The following ATP11B variants were observed in gnomAD, a reference collection of about 807,000 sequenced individuals.
ATP11B encodes the protein ATPase phospholipid transporting 11B (putative).
Under a neutral mutation model 157.8 loss-of-function variants are expected in ATP11B, and 81 were observed. That is an observed-to-expected ratio of 0.51 (90% CI 0.43 to 0.62). The LOEUF (loss-of-function observed/expected upper bound fraction) is 0.62. Among genes scored for constraint, ATP11B ranks in the 20% least tolerant of loss-of-function variants. The pLI is 0.00. For missense variants in ATP11B, 1,165 were observed against 1,402.2 expected (o/e 0.83, Z 2.70); for synonymous variants, 451 against 469.4 (o/e 0.96, Z 0.51).
intron 15 of ATP11B, 57 bp downstream of exon 15, chr3:182,867,501 T>A (rs1721333499): frequency 8.4e-7 from 1 of 1,193,408 alleles, no homozygotes; most frequent in African/African-American, 1.5e-5. Context: ...TAGTATAGAA[T>A]AAGGATCAGT....
At chr3:182,794,328 GC>G (rs1201782575) in intron 1 of ATP11B, among the ~76,000 whole-genome samples, 1 of 152,148 alleles carries the variant, frequency 6.6e-6, no homozygotes, top group Non-Finnish European at 1.5e-5. Context: ...TAGGTGTCTA[GC>G]CCCCTCAGCG....
At chr3:182,893,416 C>T (rs1723307824) in intron 25 of ATP11B, among the ~76,000 whole-genome samples, 3 of 152,122 alleles carry the variant, frequency 2.0e-5, no homozygotes, top group Non-Finnish European at 2.9e-5. Flanking sequence ...GCTTAGCTTC[C>T]ACTTATGAGT....
chr3:182,909,493 G>A (rs530233370), intron 28 of ATP11B, among the ~76,000 whole-genome samples: 2 of 152,054 alleles, frequency 1.3e-5, no homozygotes, highest in East Asian at 1.9e-4. Context: ...TTTAAAAGTG[G>A]TCTCCCAAAA....
At chr3:182,914,434 G>A (rs1725011538) in intron 29 of ATP11B, 1 of 985,416 alleles carries the variant, frequency 1.0e-6, no homozygotes, top group Non-Finnish European at 1.2e-6. Flanking sequence ...TACTCTGTAT[G>A]TATATTTTCC....
intron 19 of ATP11B, among the ~76,000 whole-genome samples, chr3:182,877,737 A>G (rs547322596): frequency 1.1e-4 from 16 of 152,294 alleles, no homozygotes; most frequent in African/African-American, 3.6e-4. Flanking sequence ...AAGTATGGCC[A>G]GGGAGTGGTA....
intron 1 of ATP11B, among the ~76,000 whole-genome samples, chr3:182,819,311 T>TG (rs1172505853): frequency 6.6e-6 from 1 of 152,096 alleles, no homozygotes; most frequent in Non-Finnish European, 1.5e-5. Context: ...GAGCTCGTGA[T>TG]CCGCCCGCCT....
intron 23 of ATP11B, 34 bp downstream of exon 23, chr3:182,886,044 TC>T: frequency 7.2e-7 from 1 of 1,397,622 alleles, no homozygotes; most frequent in Non-Finnish European, 9.5e-7. Context: ...TTGTGTTTTG[TC>T]CTTTTAGAGT....
At chr3:182,821,402 C>T (rs80280629) in intron 2 of ATP11B, among the ~76,000 whole-genome samples, 3,097 of 152,182 alleles carry the variant, frequency 0.02, 102 homozygotes, top group African/African-American at 0.072. Context: ...CCACTGCACC[C>T]GGCCATAGAT....
At chr3:182,814,882 A>G (rs902322247) in intron 1 of ATP11B, among the ~76,000 whole-genome samples, 2 of 152,298 alleles carry the variant, frequency 1.3e-5, no homozygotes, top group South Asian at 2.1e-4. Context: ...TGAAATCTAT[A>G]CTGGAACCGT....
intron 24 of ATP11B, among the ~76,000 whole-genome samples, chr3:182,888,412 T>A (rs1403006717): frequency 6.6e-6 from 1 of 152,164 alleles, no homozygotes; most frequent in Non-Finnish European, 1.5e-5. Flanking sequence ...TCAGATAACC[T>A]CACTAAAAAG....
At chr3:182,893,595 A>G (rs1050109988) in intron 25 of ATP11B, among the ~76,000 whole-genome samples, 1 of 152,120 alleles carries the variant, frequency 6.6e-6, no homozygotes, top group Admixed American at 6.5e-5. Flanking sequence ...TCATTAATCG[A>G]TGGCCATTTG....
intron 10 of ATP11B, among the ~76,000 whole-genome samples, chr3:182,850,927 A>T (rs1324559130): frequency 1.3e-5 from 2 of 152,222 alleles, no homozygotes; most frequent in East Asian, 1.9e-4. Flanking sequence ...ATTTGGCCAT[A>T]AGAAGAATGA....
At chr3:182,832,729 G>A (rs905672389) in intron 4 of ATP11B, among the ~76,000 whole-genome samples, 6 of 152,104 alleles carry the variant, frequency 3.9e-5, no homozygotes, top group African/African-American at 1.4e-4. Context: ...CTCTCCAATT[G>A]TGTAATGCAA....
At chr3:182,869,990 A>G (rs1410407986) in intron 17 of ATP11B, among the ~76,000 whole-genome samples, 3 of 152,140 alleles carry the variant, frequency 2.0e-5, no homozygotes, top group Admixed American at 2.0e-4. Flanking sequence ...TGCTGAGTGA[A>G]AGAGGCAGTC....
At chr3:182,850,489 CA>C (rs1026069899) in intron 10 of ATP11B, among the ~76,000 whole-genome samples, 3 of 149,674 alleles carry the variant, frequency 2.0e-5, no homozygotes, top group Admixed American at 6.6e-5. Flanking sequence ...CAAAACAAAA[CA>C]AAAAAAAAGT....
rs759308260 is a variant in ATP11B at position 182,857,975 on chromosome 3, T to G, written c.949T>G (p.Trp317Gly). The stretch of plus-strand genomic sequence containing the variant: ...GTATACATGGCAAGCTGAAGAAAAA[T>G]GGGATGAACCTTGGTATAACCAAAA... ...LKYTWQAEEK[W>G]DEPWYNQKTE... The change falls in exon 11 of 30, where the codon TGG (tryptophan) becomes GGG (glycine). Residue 317 changes from tryptophan (W) to glycine (G), a missense_variant. Physicochemically the swap from Trp to Gly is radical, Grantham distance 184. This residue lies in a region of ATP11B where 737 missense variants were observed against 930.5 expected (regional missense o/e 0.79). Transcript: ENST00000323116. 1 of 1,612,786 alleles carries G rather than the reference T, an allele frequency of 6.2e-7. No homozygotes were observed. Among genetic ancestry groups the G allele is most frequent in the Admixed American group, 1.7e-5 (1 of 59,996 alleles).
chr3:182,883,030 A>G (rs1048036325), intron 21 of ATP11B, among the ~76,000 whole-genome samples: 2 of 152,212 alleles, frequency 1.3e-5, no homozygotes, highest in East Asian at 3.8e-4. Context: ...TGGTAAATGT[A>G]TAGATTAACA....
Position 182,848,462 on chromosome 3 carries a change from G to C in ATP11B, c.770-14G>C. The C allele has an allele frequency of 6.9e-7, 1 of 1,442,804 alleles. No individual in the cohort carries two copies. The highest frequency in any genetic ancestry group is 9.3e-7 in the Non-Finnish European group (1 of 1,077,092). 89.4% of individuals were successfully genotyped at this position (1,442,804 alleles called of 1,614,324 possible). A position where few individuals can be genotyped will look rare whatever the true frequency, so the allele number is the denominator to read the frequency against. ...GAGGATTATTTTAAGAGACAATTTTGTTTTATTTTACAGGTGTTGCGGTAT... is the reference window on the plus strand; with the variant it reads ...GAGGATTATTTTAAGAGACAATTTTCTTTTATTTTACAGGTGTTGCGGTAT... On this transcript the variant is annotated splice_polypyrimidine_tract_variant and intron_variant, in intron 9 of 29. Coordinates refer to ENST00000323116, the MANE Select transcript of ATP11B (RefSeq NM_014616.3).
chr3:182,883,934 G>A (rs1475540640), intron 21 of ATP11B, among the ~76,000 whole-genome samples: 1 of 124,342 alleles, frequency 8.0e-6, no homozygotes, highest in Admixed American at 9.5e-5. Context: ...CAGCCTGGGC[G>A]ACAGAGCGAG....
Sources: allele counts gnomAD v4.1 joint callset (sites outside exome capture counted in the v4.1 genomes callset), GRCh38; gene constraint gnomAD v4.1.1; regional missense constraint gnomAD v4.1.1; transcripts MANE v1.5; gene names NCBI Gene and HGNC (gene_info 2026-07-23, HGNC 2026-07-21).